Variants in CSMD1 observed in about 807,000 individuals in gnomAD.
CSMD1 encodes CUB and Sushi multiple domains 1, also known as CUB and sushi domain-containing protein 1.
A neutral mutation model predicts 417.5 loss-of-function variants in CSMD1; 213 were observed. The ratio of observed to expected loss-of-function variants is 0.51; its 90% CI spans 0.46 to 0.57. CSMD1 has a LOEUF of 0.57. Ranked by LOEUF, CSMD1 falls within the 20% of genes least tolerant of loss-of-function variation. The pLI is 0.00. For synonymous variants in CSMD1, 2,862 were observed against 1,736.8 expected, an observed-to-expected ratio of 1.65 and a Z score of -16.11; for missense variants, 6,923 against 4,529.7, an observed-to-expected ratio of 1.53 and a Z score of -15.17.
At chr8:4,123,966 G>A (rs925331750) in intron 3 of CSMD1, among the ~76,000 whole-genome samples, 1 of 151,874 alleles carries the variant, frequency 6.6e-6, no homozygotes. Context: ...CTGGAAAAAA[G>A]TTTCTGATGT....
At chr8:4,283,183 C>A (rs898690040) in intron 3 of CSMD1, among the ~76,000 whole-genome samples, 1 of 152,122 alleles carries the variant, frequency 6.6e-6, no homozygotes, top group Non-Finnish European at 1.5e-5. Context: ...TTTTTTACAA[C>A]ATTTAAAAAT....
chr8:4,592,206 T>C (rs1349227835), intron 2 of CSMD1, among the ~76,000 whole-genome samples: 1 of 151,484 alleles, frequency 6.6e-6, no homozygotes, highest in Non-Finnish European at 1.5e-5. Context: ...CCAACAAGAA[T>C]CTTCCTTTAA....
chr8:2,983,069 A>T (rs1805561812), intron 54 of CSMD1, among the ~76,000 whole-genome samples: 1 of 152,160 alleles, frequency 6.6e-6, no homozygotes, highest in Non-Finnish European at 1.5e-5. Flanking sequence ...CACCGTGAAC[A>T]CTTCAACTGT....
intron 1 of CSMD1, among the ~76,000 whole-genome samples, chr8:4,662,244 T>G (rs959197384): frequency 7.9e-5 from 12 of 152,154 alleles, no homozygotes. Flanking sequence ...TTATAATTAA[T>G]ACCAAATTTA....
chr8:4,900,720 C>T (rs1323173354), intron 1 of CSMD1, among the ~76,000 whole-genome samples: 1 of 152,212 alleles, frequency 6.6e-6, no homozygotes, highest in Non-Finnish European at 1.5e-5. Context: ...CTTCTCTCTT[C>T]CACTCACGGA....
chr8:3,701,104 C>A (rs1214400745), intron 7 of CSMD1, among the ~76,000 whole-genome samples: 1 of 151,856 alleles, frequency 6.6e-6, no homozygotes, highest in Non-Finnish European at 1.5e-5. Flanking sequence ...TGGTGGAAGT[C>A]ACAGACTTCT....
At chr8:3,296,881 G>A (rs1804012131) in intron 25 of CSMD1, among the ~76,000 whole-genome samples, 1 of 152,220 alleles carries the variant, frequency 6.6e-6, no homozygotes, top group Admixed American at 6.5e-5. Flanking sequence ...ACTAGACATA[G>A]ATGGAGGGGT....
chr8:3,289,571 G>A (rs1319634336), intron 25 of CSMD1, among the ~76,000 whole-genome samples: 1 of 100,374 alleles, frequency 1.0e-5, no homozygotes, highest in Non-Finnish European at 2.3e-5. Context: ...TTTCTCTGAT[G>A]GCCGGTGATG....
chr8:4,667,225 T>A (rs1019273285), intron 1 of CSMD1, among the ~76,000 whole-genome samples: 1 of 152,196 alleles, frequency 6.6e-6, no homozygotes. Flanking sequence ...ATCTATCATG[T>A]TTTCCAATAC....
At chr8:4,283,020 G>C (rs1054338805) in intron 3 of CSMD1, among the ~76,000 whole-genome samples, 10 of 151,632 alleles carry the variant, frequency 6.6e-5, no homozygotes, top group African/African-American at 7.3e-5. Context: ...GTATCCCTTT[G>C]ATTATATTTT....
intron 19 of CSMD1, among the ~76,000 whole-genome samples, chr8:3,368,095 C>T (rs190594682): frequency 5.8e-4 from 88 of 152,218 alleles, no homozygotes; most frequent in African/African-American, 2.0e-3. Context: ...TAACTGTGAA[C>T]AGATAACTTC....
At chr8:3,896,184 T>C (rs1181073483) in intron 5 of CSMD1, among the ~76,000 whole-genome samples, 2 of 152,108 alleles carry the variant, frequency 1.3e-5, no homozygotes, top group Admixed American at 6.5e-5. Flanking sequence ...AAAAACATGA[T>C]CTAGAGCCCT....
At chr8:4,648,027 C>A (rs1484893224) in intron 1 of CSMD1, among the ~76,000 whole-genome samples, 2 of 152,176 alleles carry the variant, frequency 1.3e-5, no homozygotes, top group Middle Eastern at 3.2e-3. Flanking sequence ...TTTCCATTCC[C>A]ACCAACAGTG....
rs150138979 is a variant in CSMD1 at position 3,842,703 on chromosome 8, G to A, written c.819-88661C>T. ...CATTTGAAACTAAAACCAAACTAAT[G>A]AGAAACCTGCAAAAAATGTGTCAAG... On this transcript the variant is annotated intron_variant, in intron 5 of 69. Coordinates refer to ENST00000635120, the MANE Select transcript of CSMD1 (RefSeq NM_033225.6). Among the ~76,000 whole-genome samples the A allele has an allele frequency of 3.3e-5, 5 of 151,896 alleles. No homozygotes were observed. The East Asian group carries it at 7.7e-4, about 24-fold the overall frequency.
At chr8:4,273,917 C>A (rs1448703527) in intron 3 of CSMD1, among the ~76,000 whole-genome samples, 9 of 152,162 alleles carry the variant, frequency 5.9e-5, no homozygotes, top group Non-Finnish European at 1.0e-4. Context: ...ACCATTATCA[C>A]TGGATTACTT....
intron 7 of CSMD1, among the ~76,000 whole-genome samples, chr8:3,705,278 G>C (rs12544075): frequency 0.38 from 57,960 of 152,050 alleles, 11,355 homozygotes; most frequent in East Asian, 0.55. Context: ...CCTCTGCAAA[G>C]AGCTGTGACC....
intron 12 of CSMD1, among the ~76,000 whole-genome samples, chr8:3,422,543 A>T (rs184645776): frequency 3.9e-4 from 60 of 152,304 alleles, no homozygotes; most frequent in Admixed American, 1.3e-3. Flanking sequence ...TAAGACACAA[A>T]CAGAAGACAG....
At chr8:4,680,789 A>G (rs572559425) in intron 1 of CSMD1, among the ~76,000 whole-genome samples, 2 of 152,206 alleles carry the variant, frequency 1.3e-5, no homozygotes, top group East Asian at 3.9e-4. Flanking sequence ...CATGTTGGCC[A>G]GGATGGTCTT....
chr8:3,312,567 G>C (rs1313028836), intron 23 of CSMD1, among the ~76,000 whole-genome samples: 1 of 152,174 alleles, frequency 6.6e-6, no homozygotes, highest in East Asian at 1.9e-4. Flanking sequence ...AGGATTTGAT[G>C]GTTCACACAC....
Sources: allele counts gnomAD v4.1 joint callset (sites outside exome capture counted in the v4.1 genomes callset), GRCh38; gene constraint gnomAD v4.1.1; transcripts MANE v1.5; gene names NCBI Gene and HGNC (gene_info 2026-07-23, HGNC 2026-07-21).